Variants in IQSEC1 observed in about 807,000 individuals in gnomAD.
IQSEC1 encodes the protein IQ motif and Sec7 domain ArfGEF 1, also known as IQ motif and SEC7 domain-containing protein 1.
IQSEC1 carries 31 observed loss-of-function variants against 91.0 expected under a neutral mutation model. The ratio of observed to expected loss-of-function variants is 0.34; its 90% CI spans 0.26 to 0.46. The LOEUF (loss-of-function observed/expected upper bound fraction) is 0.46, where lower values mean the gene tolerates loss of function less well. IQSEC1 is among the 20% of genes least tolerant of loss of function. IQSEC1 has a pLI of 1.00. For synonymous variants in IQSEC1, 699 were observed against 662.6 expected (o/e 1.05, Z -0.84); for missense variants, 1,388 against 1,575.6 (o/e 0.88, Z 2.02).
chr3:12,932,224 C>T (rs1299143060), intron 3 of IQSEC1, among the ~76,000 whole-genome samples: 1 of 152,182 alleles, frequency 6.6e-6, no homozygotes, highest in Non-Finnish European at 1.5e-5. Flanking sequence ...TGCTGGGCAC[C>T]TGCCCCAGCT....
At chr3:13,108,167 A>C (rs922524956) in intron 2 of IQSEC1, among the ~76,000 whole-genome samples, 1 of 152,110 alleles carries the variant, frequency 6.6e-6, no homozygotes, top group African/African-American at 2.4e-5. Context: ...TTTGCCTTCC[A>C]CTTTGTTCAC....
intron 6 of IQSEC1, among the ~76,000 whole-genome samples, chr3:12,917,828 A>G (rs571357510): frequency 1.3e-5 from 2 of 152,348 alleles, no homozygotes; most frequent in East Asian, 3.9e-4. Context: ...CAAAAAATAA[A>G]TTAAAAAATT....
At position 12,967,663 on chromosome 3, in the gene IQSEC1, G is replaced by A. The variant is rs1482678290; in HGVS notation, c.24-25798C>T. The A allele has an allele frequency of 2.5e-6, 3 of 1,184,532 alleles. No individual in the cohort carries two copies. In the African/African-American group the frequency reaches 4.8e-5, roughly 19 times the overall value. 73.4% of individuals were successfully genotyped at this position (1,184,532 alleles called of 1,614,324 possible). A position where few individuals can be genotyped will look rare whatever the true frequency, so the allele number is the denominator to read the frequency against. The stretch of plus-strand genomic sequence containing the variant: ...CAAGTCCGAGCCCCAGGCCAGCCAA[G>A]CCCGCCCCTCCGCCGCCGCCCGCTT... On this transcript the variant is annotated intron_variant, in intron 1 of 13. Coordinates refer to ENST00000613206, the MANE Select transcript of IQSEC1 (RefSeq NM_001134382.3). The surrounding 1 kb of genome is among the most constrained non-coding windows in gnomAD (Gnocchi z 5.9).
rs765157114 is a variant in IQSEC1, at chr3:12,909,242, C to T, written c.2578+31G>A. ...GCAAGTGCCAGAGTCTGGCAAGTCT[C>T]GGCCTTCTGTCCATGAGGCCTGGTA... On this transcript the variant is annotated intron_variant, in intron 11 of 13. Transcript: ENST00000613206. The surrounding 1 kb of genome is among the most constrained non-coding windows in gnomAD (Gnocchi z 4.9). The T allele has an allele frequency of 1.4e-5, 22 of 1,606,998 alleles. No homozygotes were observed. The highest frequency in any genetic ancestry group is 2.2e-5 in the South Asian group (2 of 90,668).
chr3:12,900,443 C>A lies in IQSEC1; in HGVS notation c.*540G>T, dbSNP rs916124040. 3.6e-6 allele frequency: 3 copies of A among 825,210 alleles called. No homozygotes were observed. Among genetic ancestry groups the A allele is most frequent in the African/African-American group, 1.9e-5 (1 of 53,406 alleles). The allele number at this position is 825,210 out of a possible 1,614,324, so 51.1% of individuals were successfully genotyped here. The stretch of plus-strand genomic sequence containing the variant: ...GCCTGCCTTTCACACACAAGTACTA[C>A]CTATACAGTATATATATATATATAT... On this transcript the variant is annotated 3_prime_UTR_variant, in exon 14 of 14. Coordinates refer to ENST00000613206, the MANE Select transcript of IQSEC1 (RefSeq NM_001134382.3).
At chr3:12,958,295 T>C (rs929786477) in intron 1 of IQSEC1, among the ~76,000 whole-genome samples, 2 of 151,978 alleles carry the variant, frequency 1.3e-5, no homozygotes, top group Non-Finnish European at 2.9e-5. Flanking sequence ...GGAAACACTA[T>C]CCCCCTCAAC....
chr3:13,003,674 T>A (rs1010782851), intron 1 of IQSEC1, among the ~76,000 whole-genome samples: 1 of 152,182 alleles, frequency 6.6e-6, no homozygotes, highest in African/African-American at 2.4e-5. Context: ...AAATGAAACA[T>A]AAGATCCTAG....
chr3:13,069,351 G>A (rs1705339593), intron 1 of IQSEC1, among the ~76,000 whole-genome samples: 3 of 151,858 alleles, frequency 2.0e-5, no homozygotes, highest in South Asian at 4.2e-4. Flanking sequence ...ACCCAGCCAA[G>A]GTGATAATGG....
chr3:12,930,696 C>T (rs967010625), intron 3 of IQSEC1, among the ~76,000 whole-genome samples: 10 of 152,150 alleles, frequency 6.6e-5, no homozygotes, highest in African/African-American at 1.7e-4. Context: ...TTTTCAGGTC[C>T]GTGAACCAGT....
chr3:13,182,792 G>A (rs1559271999), intron 1 of IQSEC1, among the ~76,000 whole-genome samples: 1 of 152,192 alleles, frequency 6.6e-6, no homozygotes, highest in Non-Finnish European at 1.5e-5. Context: ...AGCTAAAGCA[G>A]TACCTGAAAG....
intron 2 of IQSEC1, among the ~76,000 whole-genome samples, chr3:13,092,757 C>G (rs1255209118): frequency 6.6e-6 from 1 of 152,218 alleles, no homozygotes; most frequent in African/African-American, 2.4e-5. Context: ...CACCAACATT[C>G]AGGCCCTGCG....
chr3:13,163,327 C>T (rs1448994274), intron 2 of IQSEC1, among the ~76,000 whole-genome samples: 2 of 152,178 alleles, frequency 1.3e-5, no homozygotes, highest in Non-Finnish European at 2.9e-5. Flanking sequence ...CCACCTCAGG[C>T]CACCACCCTA....
At chr3:13,145,535 C>T (rs1259317627) in intron 2 of IQSEC1, among the ~76,000 whole-genome samples, 1 of 152,086 alleles carries the variant, frequency 6.6e-6, no homozygotes, top group African/African-American at 2.4e-5. Context: ...ACTGGCAGAA[C>T]TGGCACAAGC....
chr3:13,198,877 T>C (rs980599938), intron 1 of IQSEC1, among the ~76,000 whole-genome samples: 2 of 152,204 alleles, frequency 1.3e-5, no homozygotes, highest in East Asian at 3.8e-4. Flanking sequence ...TCCCACACTT[T>C]CTGTTCCTGG....
intron 1 of IQSEC1, among the ~76,000 whole-genome samples, chr3:13,009,667 ATGTGTGTG>A (rs3072722): frequency 6.7e-6 from 1 of 150,070 alleles, no homozygotes; most frequent in Non-Finnish European, 1.5e-5. Flanking sequence ...GTATATATAT[ATGTGTGTG>A]TGTGTGTGTG....
intron 1 of IQSEC1, among the ~76,000 whole-genome samples, chr3:12,959,887 G>C (rs1485933248): frequency 6.6e-6 from 1 of 152,058 alleles, no homozygotes; most frequent in Non-Finnish European, 1.5e-5. Context: ...TTATCTTCTT[G>C]GGCCATTTTG....
intron 1 of IQSEC1, among the ~76,000 whole-genome samples, chr3:13,219,410 G>T (rs1694614049): frequency 6.6e-6 from 1 of 152,198 alleles, no homozygotes; most frequent in African/African-American, 2.4e-5. Context: ...CCCCCAGGGA[G>T]CTCCCCACAT....
At chr3:13,265,916 CAAAA>C (rs34132019) in intron 1 of IQSEC1, among the ~76,000 whole-genome samples, 3 of 110,790 alleles carry the variant, frequency 2.7e-5, no homozygotes, top group Non-Finnish European at 5.3e-5. Flanking sequence ...TGCTTTATTG[CAAAA>C]AAAAAAAAAA....
chr3:13,100,912 G>A (rs1374872592), intron 2 of IQSEC1, among the ~76,000 whole-genome samples: 4 of 148,560 alleles, frequency 2.7e-5, no homozygotes, highest in Non-Finnish European at 6.0e-5. Context: ...GAAGAGGGGC[G>A]GCCAGGGAGG....
Sources: allele counts gnomAD v4.1 joint callset (sites outside exome capture counted in the v4.1 genomes callset), GRCh38; gene constraint gnomAD v4.1.1; non-coding constraint Gnocchi (gnomAD v3.1); transcripts MANE v1.5; gene names NCBI Gene and HGNC (gene_info 2026-07-23, HGNC 2026-07-21).